The following TRAT1 variants were observed in gnomAD, a reference collection of about 807,000 sequenced individuals.
TRAT1 encodes T cell receptor associated transmembrane adaptor 1.
A neutral mutation model predicts 20.0 loss-of-function variants in TRAT1; 20 were observed. The observed-to-expected ratio is 1.00, with a 90% confidence interval of 0.70 to 1.45. The LOEUF (loss-of-function observed/expected upper bound fraction) is 1.45. Among genes scored for constraint, TRAT1 ranks in the 40% most tolerant of loss-of-function variants. The pLI, the probability that TRAT1 is intolerant of heterozygous loss-of-function variation, is 0.00. For synonymous variants in TRAT1, 77 were observed against 74.2 expected, an observed-to-expected ratio of 1.04 and a Z score of -0.20; for missense variants, 237 against 224.1, an observed-to-expected ratio of 1.06 and a Z score of -0.37.
At chr3:108,845,125 C>T (rs1202846055) in intron 3 of TRAT1, among the ~76,000 whole-genome samples, 1 of 152,096 alleles carries the variant, frequency 6.6e-6, no homozygotes, top group Non-Finnish European at 1.5e-5. Context: ...CAAACATTTG[C>T]TCCTGAGGTT....
At chr3:108,847,015 G>A in intron 3 of TRAT1, 53 bp from the exon 4 acceptor site, 2 of 1,170,334 alleles carry the variant, frequency 1.7e-6, no homozygotes, top group Non-Finnish European at 2.5e-6. Flanking sequence ...AGTCAGTTAT[G>A]AATTATGTGA....
intron 2 of TRAT1, among the ~76,000 whole-genome samples, chr3:108,836,386 C>G (rs1945842662): frequency 6.6e-6 from 1 of 152,186 alleles, no homozygotes. Flanking sequence ...CAATGACACT[C>G]TTCACTTTTG....
intron 3 of TRAT1, among the ~76,000 whole-genome samples, chr3:108,844,843 C>CAAAAAAAAAAA (rs71103495): frequency 8.4e-5 from 4 of 47,830 alleles, no homozygotes; most frequent in African/African-American, 3.4e-4. Context: ...GACTCTGTCT[C>CAAAAAAAAAAA]AAAAAAAAAA....
At chr3:108,850,261 ACT>A (rs1299649889) in intron 5 of TRAT1, among the ~76,000 whole-genome samples, 1 of 151,382 alleles carries the variant, frequency 6.6e-6, no homozygotes, top group East Asian at 1.9e-4. Flanking sequence ...GTAGAATTTT[ACT>A]CTTTTTCTTT....
At chr3:108,842,769 G>C (rs1228514501) in intron 3 of TRAT1, among the ~76,000 whole-genome samples, 1 of 152,178 alleles carries the variant, frequency 6.6e-6, no homozygotes, top group East Asian at 1.9e-4. Context: ...TTTGGCGAAA[G>C]ACCCTTCTTT....
chr3:108,849,262 T>C lies in TRAT1; in HGVS notation c.303+8T>C, dbSNP rs1945974827. Reference sequence around the variant, plus strand: ...GCCACCCCATCTGCACAGGTGAGTTTTGTTTTCTGTTTCCACATTTGCACA... The same window carrying C: ...GCCACCCCATCTGCACAGGTGAGTTCTGTTTTCTGTTTCCACATTTGCACA... On this transcript the variant is annotated splice_region_variant and intron_variant, in intron 5 of 5. Transcript: ENST00000295756. The C allele has an allele frequency of 6.2e-7, 1 of 1,609,236 alleles. No individual in the cohort carries two copies. Among genetic ancestry groups the C allele is most frequent in the Non-Finnish European group, 8.5e-7 (1 of 1,176,182 alleles).
intron 2 of TRAT1, among the ~76,000 whole-genome samples, chr3:108,833,305 C>CA (rs1945811209): frequency 6.6e-6 from 1 of 152,128 alleles, no homozygotes; most frequent in African/African-American, 2.4e-5. Context: ...GTAATCCCAG[C>CA]TACTCGGGAG....
intron 1 of TRAT1, among the ~76,000 whole-genome samples, chr3:108,827,108 T>A (rs1468134989): frequency 6.6e-6 from 1 of 152,172 alleles, no homozygotes; most frequent in Non-Finnish European, 1.5e-5. Flanking sequence ...TCTGATAATT[T>A]CTCGAGTTCT....
chr3:108,841,430 G>C (rs1320067636), intron 3 of TRAT1, among the ~76,000 whole-genome samples: 1 of 152,080 alleles, frequency 6.6e-6, no homozygotes, highest in African/African-American at 2.4e-5. Flanking sequence ...AAACAAACCA[G>C]TAAGCGAACT....
chr3:108,847,173 T>C, intron 4 of TRAT1, 44 bp downstream of exon 4: 1 of 1,230,428 alleles, frequency 8.1e-7, no homozygotes, highest in Non-Finnish European at 1.2e-6. Context: ...TAAATCCCAG[T>C]TGGTTTCACA....
At chr3:108,825,168 T>C (rs981257153) in intron 1 of TRAT1, among the ~76,000 whole-genome samples, 3 of 152,130 alleles carry the variant, frequency 2.0e-5, no homozygotes, top group Non-Finnish European at 4.4e-5. Flanking sequence ...AAAATAAATT[T>C]GAACACACAC....
At chr3:108,845,636 T>TA (rs1945935601) in intron 3 of TRAT1, among the ~76,000 whole-genome samples, 2 of 152,258 alleles carry the variant, frequency 1.3e-5, no homozygotes, top group Admixed American at 1.3e-4. Flanking sequence ...ACGTACTATT[T>TA]ACATATACTG....
At chr3:108,842,906 G>T (rs1945907816) in intron 3 of TRAT1, among the ~76,000 whole-genome samples, 1 of 152,170 alleles carries the variant, frequency 6.6e-6, no homozygotes, top group Non-Finnish European at 1.5e-5. Context: ...AGATATCATG[G>T]CTATGAGCAT....
At chr3:108,847,627 A>G (rs1407243194) in intron 4 of TRAT1, among the ~76,000 whole-genome samples, 1 of 152,128 alleles carries the variant, frequency 6.6e-6, no homozygotes, top group Non-Finnish European at 1.5e-5. Context: ...TGGTTTATAT[A>G]TTTATTTTGT....
At chr3:108,841,296 C>A (rs1197915231) in intron 3 of TRAT1, among the ~76,000 whole-genome samples, 2 of 151,974 alleles carry the variant, frequency 1.3e-5, no homozygotes, top group South Asian at 4.1e-4. Context: ...AGATTTTTTT[C>A]TATAAAAAAG....
At chr3:108,853,483 T>G in intron 5 of TRAT1, 137 bp from the exon 6 acceptor site, 1 of 987,726 alleles carries the variant, frequency 1.0e-6, no homozygotes. Context: ...TTTTGTTTTT[T>G]GTACTGACAA....
At chr3:108,846,350 A>C (rs1367441204) in intron 3 of TRAT1, among the ~76,000 whole-genome samples, 4 of 152,234 alleles carry the variant, frequency 2.6e-5, no homozygotes, top group African/African-American at 9.6e-5. Flanking sequence ...AGATCAGCCT[A>C]GGGAAAATAA....
At position 108,830,619 on chromosome 3, in the gene TRAT1, C is replaced by T. The variant is rs551771415; in HGVS notation, c.8-51C>T. ...AACTGTGGCAATAGCCAGACCAAAA[C>T]AAATGGGTAAGCAGCTGTTATATTA... On this transcript the variant is annotated intron_variant, in intron 1 of 5. Coordinates refer to ENST00000295756, the MANE Select transcript of TRAT1 (RefSeq NM_016388.4). 89 of 1,281,374 alleles carry T rather than the reference C, an allele frequency of 6.9e-5. 2 individuals are homozygous for T. In the South Asian group the frequency reaches 8.5e-4, roughly 12 times the overall value. 79.4% of individuals were successfully genotyped at this position (1,281,374 alleles called of 1,614,324 possible).
chr3:108,850,520 G>T lies in TRAT1; in HGVS notation c.303+1266G>T, dbSNP rs113518967. Among the ~76,000 whole-genome samples, 301 of 152,076 alleles carry T rather than the reference G, an allele frequency of 2.0e-3. 3 individuals carry two copies. The highest frequency in any genetic ancestry group is 7.0e-3 in the African/African-American group (290 of 41,486). ...GGGTTTCACCATGTTGGTTAGGCTG[G>T]TCGCAAACTCCCGACCGCAGTGATC... is the stretch of plus-strand genomic sequence containing the variant. On this transcript the variant is annotated intron_variant, in intron 5 of 5. Transcript: ENST00000295756.
Sources: allele counts gnomAD v4.1 joint callset (sites outside exome capture counted in the v4.1 genomes callset), GRCh38; gene constraint gnomAD v4.1.1; transcripts MANE v1.5; gene names NCBI Gene and HGNC (gene_info 2026-07-23, HGNC 2026-07-21).